Variants in SND1 observed in about 807,000 individuals in gnomAD.
The protein encoded by SND1 is staphylococcal nuclease and tudor domain containing 1.
Under a neutral mutation model 121.7 loss-of-function variants are expected in SND1, and 38 were observed. The ratio of observed to expected loss-of-function variants is 0.31; its 90% confidence interval spans 0.24 to 0.41. The LOEUF (loss-of-function observed/expected upper bound fraction) is 0.41. Ranked by LOEUF, SND1 falls within the 10% of genes least tolerant of loss-of-function variation. The pLI is 1.00. For synonymous variants in SND1, 401 were observed against 447.4 expected, an observed-to-expected ratio of 0.90 and a Z score of 1.31; for missense variants, 868 against 1,184.6, an observed-to-expected ratio of 0.73 and a Z score of 3.92.
chr7:127,890,989 C>T (rs1449220191), intron 13 of SND1, among the ~76,000 whole-genome samples: 3 of 152,086 alleles, frequency 2.0e-5, no homozygotes, highest in African/African-American at 4.8e-5. Context: ...TAAGGAAATA[C>T]AGGCCCCATA....
intron 10 of SND1, among the ~76,000 whole-genome samples, chr7:127,768,021 T>C (rs969672473): frequency 6.6e-6 from 1 of 152,162 alleles, no homozygotes; most frequent in Non-Finnish European, 1.5e-5. Flanking sequence ...TTCAACCCCT[T>C]TCCATACGTA....
chr7:127,684,224 G>A (rs1377652475), intron 1 of SND1, among the ~76,000 whole-genome samples: 1 of 152,190 alleles, frequency 6.6e-6, no homozygotes, highest in East Asian at 1.9e-4. Flanking sequence ...CGTCAGAGAG[G>A]ATGAGTTTTC....
chr7:127,723,736 C>T (rs531740120), intron 10 of SND1, among the ~76,000 whole-genome samples: 1 of 152,136 alleles, frequency 6.6e-6, no homozygotes, highest in South Asian at 2.1e-4. Context: ...CCAGCGCTGT[C>T]CAACAGATAT....
chr7:127,694,777 G>A, intron 2 of SND1, 51 bp from the exon 3 acceptor site: 1 of 1,602,658 alleles, frequency 6.2e-7, no homozygotes, highest in Non-Finnish European at 8.5e-7. Context: ...AATGCTGATT[G>A]GCATCTGAAA....
intron 15 of SND1, among the ~76,000 whole-genome samples, chr7:127,971,812 G>T (rs1057360018): frequency 7.0e-6 from 1 of 143,700 alleles, no homozygotes; most frequent in Non-Finnish European, 1.5e-5. Context: ...TCACTCTGTC[G>T]CCCAGGCTGG....
intron 15 of SND1, among the ~76,000 whole-genome samples, chr7:127,942,602 C>CT (rs1801240096): frequency 6.6e-6 from 1 of 152,140 alleles, no homozygotes; most frequent in Non-Finnish European, 1.5e-5. Flanking sequence ...TCTGTGAGCT[C>CT]TAATTTTGGT....
chr7:127,691,156 A>G (rs1479744225), intron 2 of SND1, among the ~76,000 whole-genome samples: 1 of 152,182 alleles, frequency 6.6e-6, no homozygotes, highest in East Asian at 1.9e-4. Flanking sequence ...GAGTGTCACA[A>G]CCACTAAAGA....
rs754980690 is a variant in SND1 at position 128,089,572 on chromosome 7, T to G, written c.2502T>G (p.Ser834Arg). The change falls in exon 22 of 24, where the codon AGT becomes AGG. Residue 834 changes from serine (S) to arginine (R), a missense_variant. Physicochemically the swap from Ser to Arg is moderately radical, Grantham distance 110. Coordinates refer to ENST00000354725, the MANE Select transcript of SND1 (RefSeq NM_014390.4). ...GCCTGCTCAACGTGGAACACCTGAG[T>G]GCCGGCTGCCCCCATGTCACCCTGC... Reference protein sequence around the residue: ...TQCLLNVEHLSAGCPHVTLQF... With the variant: ...TQCLLNVEHLRAGCPHVTLQF... The G allele has an allele frequency of 6.2e-7, 1 of 1,614,176 alleles. No homozygotes were observed. Among genetic ancestry groups the G allele is most frequent in the Non-Finnish European group, 8.5e-7 (1 of 1,180,034 alleles).
chr7:127,748,634 A>G (rs1797022000), intron 10 of SND1, among the ~76,000 whole-genome samples: 1 of 152,268 alleles, frequency 6.6e-6, no homozygotes, highest in Admixed American at 6.5e-5. Context: ...AAGTAAGAAG[A>G]AAATACGCAT....
chr7:127,929,636 A>G (rs973639051), intron 15 of SND1, among the ~76,000 whole-genome samples: 1 of 152,168 alleles, frequency 6.6e-6, no homozygotes, highest in Non-Finnish European at 1.5e-5. Context: ...CAGCCATGGA[A>G]TTCTCAGAGT....
chr7:127,901,967 T>A lies in SND1; in HGVS notation c.1455-2780T>A, dbSNP rs75078076. On this transcript the variant is annotated intron_variant, in intron 13 of 23. Transcript: ENST00000354725. Reference sequence around the variant, plus strand: ...CTGTTATTGTTTTAAATGTCATATGTATACTATTATCCACGTCTTCCAGTT... The same window carrying A: ...CTGTTATTGTTTTAAATGTCATATGAATACTATTATCCACGTCTTCCAGTT... Among the ~76,000 whole-genome samples, 995 of 152,354 alleles carry A rather than the reference T, an allele frequency of 6.5e-3. 3 individuals carry two copies. The highest frequency in any genetic ancestry group is 0.01 in the Non-Finnish European group (702 of 68,034).
At chr7:127,709,632 T>C (rs577536785) in intron 9 of SND1, among the ~76,000 whole-genome samples, 1 of 152,306 alleles carries the variant, frequency 6.6e-6, no homozygotes, top group South Asian at 2.1e-4. Flanking sequence ...ATTTTTTCCA[T>C]TTTCAAAAAT....
chr7:127,807,480 T>C lies in SND1; in HGVS notation c.1153-4T>C, dbSNP rs370546145. On this transcript the variant is annotated splice_region_variant and splice_polypyrimidine_tract_variant and intron_variant, in intron 10 of 23. Coordinates refer to ENST00000354725, the MANE Select transcript of SND1 (RefSeq NM_014390.4). ...CCTGATGTCATGTTTTATTTTACTT[T>C]TAGGATAAGAACAAGAAACTGCGTC... The C allele has an allele frequency of 1.2e-5, 20 of 1,610,392 alleles. No homozygotes were observed. The African/African-American group carries it at 2.5e-4, about 20-fold the overall frequency.
intron 16 of SND1, among the ~76,000 whole-genome samples, chr7:128,017,380 G>C (rs934233227): frequency 6.6e-6 from 1 of 152,202 alleles, no homozygotes; most frequent in Non-Finnish European, 1.5e-5. Context: ...ACATGAGGGG[G>C]CTACGTAAGT....
chr7:127,759,089 GATA>G (rs1797251741), intron 10 of SND1, among the ~76,000 whole-genome samples: 1 of 152,048 alleles, frequency 6.6e-6, no homozygotes, highest in Admixed American at 6.6e-5. Flanking sequence ...TAGATAGATA[GATA>G]GATAGATAGG....
chr7:128,014,501 C>G (rs976500019), intron 16 of SND1, among the ~76,000 whole-genome samples: 2 of 152,166 alleles, frequency 1.3e-5, no homozygotes, highest in African/African-American at 4.8e-5. Flanking sequence ...GGCACTTGTC[C>G]CCCGAACAGT....
At chr7:127,758,028 T>A (rs1317293577) in intron 10 of SND1, among the ~76,000 whole-genome samples, 2 of 152,208 alleles carry the variant, frequency 1.3e-5, no homozygotes, top group African/African-American at 4.8e-5. Flanking sequence ...CCGCAAGATC[T>A]TCCTGACTCT....
intron 9 of SND1, among the ~76,000 whole-genome samples, chr7:127,718,185 G>A (rs1796423014): frequency 6.6e-6 from 1 of 152,138 alleles, no homozygotes; most frequent in South Asian, 2.1e-4. Flanking sequence ...GAGCGTGCAT[G>A]GGGTTGGCTT....
intron 11 of SND1, among the ~76,000 whole-genome samples, chr7:127,820,834 A>G (rs1303822687): frequency 6.6e-6 from 1 of 152,132 alleles, no homozygotes; most frequent in Non-Finnish European, 1.5e-5. Flanking sequence ...TTTATGTCTG[A>G]CTTGGCTGTT....
Sources: gnomAD v4.1 joint callset for allele counts (sites outside exome capture counted in the v4.1 genomes callset) on GRCh38, gnomAD v4.1.1 for gene constraint, MANE v1.5 for transcripts, NCBI Gene and HGNC (gene_info 2026-07-23, HGNC 2026-07-21) for gene names.